ADCY2: variants seen among roughly 807,000 people sequenced by gnomAD.
ADCY2 encodes the protein adenylate cyclase type 2.
In ADCY2, 31 loss-of-function variants were observed where a neutral mutation model predicts 125.2. That is an observed-to-expected ratio of 0.25 (90% CI 0.19 to 0.33). The LOEUF is 0.33. Among genes scored for constraint, ADCY2 ranks in the 10% least tolerant of loss-of-function variants. ADCY2 has a pLI of 1.00. For synonymous variants in ADCY2, 512 were observed against 548.4 expected, an observed-to-expected ratio of 0.93 and a Z score of 0.93; for missense variants, 904 against 1,418.2, an observed-to-expected ratio of 0.64 and a Z score of 5.82.
chr5:7,765,418 A>G (rs1343977054), intron 16 of ADCY2, among the ~76,000 whole-genome samples: 4 of 152,194 alleles, frequency 2.6e-5, no homozygotes, highest in African/African-American at 9.6e-5. Flanking sequence ...TAGTTCAGCC[A>G]GGGATGTGAT....
chr5:7,779,574 A>AC (rs11351180), intron 18 of ADCY2, among the ~76,000 whole-genome samples: 46 of 150,374 alleles, frequency 3.1e-4, no homozygotes, highest in African/African-American at 9.5e-4. Flanking sequence ...TCCCAGTCCA[A>AC]CCCCCCCCCC....
At chr5:7,681,430 T>A (rs975136338) in intron 4 of ADCY2, among the ~76,000 whole-genome samples, 1 of 152,308 alleles carries the variant, frequency 6.6e-6, no homozygotes, top group African/African-American at 2.4e-5. Flanking sequence ...AGAACAAATA[T>A]GCAGAGGTGT....
intron 3 of ADCY2, among the ~76,000 whole-genome samples, chr5:7,584,974 G>GA (rs1375315076): frequency 2.0e-5 from 3 of 151,986 alleles, no homozygotes; most frequent in Non-Finnish European, 4.4e-5. Context: ...TAAAATAGTG[G>GA]AAAAAATGTT....
chr5:7,455,719 T>G (rs976637549), intron 2 of ADCY2, among the ~76,000 whole-genome samples: 1 of 132,510 alleles, frequency 7.5e-6, no homozygotes, highest in Non-Finnish European at 1.5e-5. Flanking sequence ...TTATATTATG[T>G]TATTATAATA....
intron 3 of ADCY2, among the ~76,000 whole-genome samples, chr5:7,614,829 G>T (rs1056219265): frequency 2.0e-5 from 3 of 152,216 alleles, no homozygotes; most frequent in Non-Finnish European, 4.4e-5. Flanking sequence ...TTGGGTAGCT[G>T]ATTCCCCAGC....
intron 1 of ADCY2, among the ~76,000 whole-genome samples, chr5:7,401,176 C>CA (rs1739250387): frequency 6.6e-6 from 1 of 152,214 alleles, no homozygotes; most frequent in Non-Finnish European, 1.5e-5. Flanking sequence ...AGAACAATGC[C>CA]TGGCATAAAG....
At chr5:7,631,720 G>GC (rs1738315768) in intron 4 of ADCY2, among the ~76,000 whole-genome samples, 1 of 152,194 alleles carries the variant, frequency 6.6e-6, no homozygotes, top group Non-Finnish European at 1.5e-5. Flanking sequence ...CCATGACCAT[G>GC]CTGAGGCATG....
chr5:7,584,810 T>G (rs1039950019), intron 3 of ADCY2, among the ~76,000 whole-genome samples: 3 of 152,158 alleles, frequency 2.0e-5, no homozygotes, highest in African/African-American at 7.2e-5. Flanking sequence ...AAGTTAACTT[T>G]GTGATGATGC....
chr5:7,473,737 C>G (rs1454057734), intron 2 of ADCY2, among the ~76,000 whole-genome samples: 1 of 152,194 alleles, frequency 6.6e-6, no homozygotes, highest in Non-Finnish European at 1.5e-5. Flanking sequence ...TAGGCATTCT[C>G]TTCTCCCTGA....
chr5:7,483,215 C>A (rs966379047), intron 2 of ADCY2, among the ~76,000 whole-genome samples: 1 of 152,002 alleles, frequency 6.6e-6, no homozygotes, highest in African/African-American at 2.4e-5. Flanking sequence ...TAATAGATAT[C>A]CTAACTATCC....
chr5:7,438,542 A>C (rs4702466), intron 2 of ADCY2, among the ~76,000 whole-genome samples: 123,866 of 151,998 alleles, frequency 0.81, 51,009 homozygotes, highest in African/African-American at 0.88. Context: ...AAAGAGAGGG[A>C]CTCAGGGGTG....
At chr5:7,695,705 T>C (rs752612307) in intron 5 of ADCY2, 47 bp from the exon 6 acceptor site, 1 of 1,169,538 alleles carries the variant, frequency 8.6e-7, no homozygotes, top group Non-Finnish European at 1.2e-6. Context: ...TCTTAAAAAA[T>C]GTATAAACTG....
Position 7,828,190 on chromosome 5 carries a change from A to C in ADCY2, c.*1319A>C, listed in dbSNP as rs1183601633. 1 of 152,822 alleles carries C rather than the reference A, an allele frequency of 6.5e-6. No individual in the cohort carries two copies. The highest frequency in any genetic ancestry group is 1.5e-5 in the Non-Finnish European group (1 of 68,050). 9.5% of individuals were successfully genotyped at this position (152,822 alleles called of 1,614,324 possible). On this transcript the variant is annotated 3_prime_UTR_variant, in exon 25 of 25. Transcript: ENST00000338316. Reference sequence around the variant, plus strand: ...GCTAATGTTTAAAAGCAAAACTGCAAATTGTAGCCCAGTTGGTCAAACTTG... The same window carrying C: ...GCTAATGTTTAAAAGCAAAACTGCACATTGTAGCCCAGTTGGTCAAACTTG...
intron 14 of ADCY2, among the ~76,000 whole-genome samples, chr5:7,741,634 A>ATCACCT (rs1742416254): frequency 6.0e-5 from 2 of 33,384 alleles, no homozygotes; most frequent in African/African-American, 1.1e-4. Context: ...TATCACCATC[A>ATCACCT]TCATCACCAT....
chr5:7,468,942 T>A (rs2126452860), intron 2 of ADCY2, among the ~76,000 whole-genome samples: 1 of 152,276 alleles, frequency 6.6e-6, no homozygotes, highest in South Asian at 2.1e-4. Context: ...GCCAAAGCTA[T>A]ATCACTCCAC....
intron 3 of ADCY2, among the ~76,000 whole-genome samples, chr5:7,558,058 T>A (rs745378167): frequency 1.4e-5 from 1 of 72,910 alleles, no homozygotes; most frequent in African/African-American, 3.7e-5. Flanking sequence ...TTTGGTTTTA[T>A]TTTTTTTTTT....
chr5:7,517,784 C>A (rs10462842), intron 2 of ADCY2, among the ~76,000 whole-genome samples: 109,646 of 152,020 alleles, frequency 0.72, 41,273 homozygotes, highest in Non-Finnish European at 0.84. Flanking sequence ...AAATATTTGC[C>A]GAAGTATATT....
intron 4 of ADCY2, among the ~76,000 whole-genome samples, chr5:7,645,382 G>A (rs1360838796): frequency 3.3e-5 from 5 of 152,106 alleles, no homozygotes; most frequent in African/African-American, 1.2e-4. Flanking sequence ...CACCTTCAAA[G>A]TCCTTGGAAA....
intron 2 of ADCY2, among the ~76,000 whole-genome samples, chr5:7,482,429 G>T (rs1175574374): frequency 6.6e-6 from 1 of 152,010 alleles, no homozygotes; most frequent in Non-Finnish European, 1.5e-5. Flanking sequence ...ACAGAATCTT[G>T]TTAGTTTAAA....
Sources: allele counts gnomAD v4.1 joint callset (sites outside exome capture counted in the v4.1 genomes callset), GRCh38; gene constraint gnomAD v4.1.1; transcripts MANE v1.5; gene names NCBI Gene and HGNC (gene_info 2026-07-23, HGNC 2026-07-21).